The following SORBS2 variants were observed in gnomAD, a reference collection of about 807,000 sequenced individuals.
SORBS2 encodes sorbin and SH3 domain containing 2.
A neutral mutation model predicts 97.7 loss-of-function variants in SORBS2; 46 were observed. The ratio of observed to expected loss-of-function variants is 0.47; its 90% CI spans 0.37 to 0.60. The LOEUF is 0.60. SORBS2 is among the 20% of genes least tolerant of loss of function. SORBS2 has a pLI of 0.00. For missense variants in SORBS2, 1,316 were observed against 1,282.3 expected (o/e 1.03, Z -0.40); for synonymous variants, 476 against 473.4 (o/e 1.01, Z -0.07).
intron 2 of SORBS2, among the ~76,000 whole-genome samples, chr4:185,728,457 C>T (rs2153568142): frequency 6.6e-6 from 1 of 152,254 alleles, no homozygotes; most frequent in South Asian, 2.1e-4. Context: ...ATCTCTTATG[C>T]TCTGGATGAA....
Position 185,914,979 on chromosome 4 carries a change from G to A in SORBS2, c.-338+41217C>T, listed in dbSNP as rs193226909. On this transcript the variant is annotated intron_variant, in intron 1 of 20. Coordinates refer to the SORBS2 transcript ENST00000284776. Reference sequence around the variant, plus strand: ...GATTTTTTCCATCTCCTTCAGTGGTGACGTGTGGCAAATGGATTGTAAATG... The same window carrying A: ...GATTTTTTCCATCTCCTTCAGTGGTAACGTGTGGCAAATGGATTGTAAATG... Among the ~76,000 whole-genome samples, 5 of 152,332 alleles carry A rather than the reference G, an allele frequency of 3.3e-5. No homozygotes were observed. In the East Asian group the frequency reaches 7.7e-4, roughly 24 times the overall value.
intron 1 of SORBS2, among the ~76,000 whole-genome samples, chr4:185,785,050 G>A (rs769800251): frequency 6.6e-6 from 1 of 151,986 alleles, no homozygotes; most frequent in Admixed American, 6.5e-5. Flanking sequence ...TGTTTATTCT[G>A]TTCTCGGTGG....
intron 4 of SORBS2, among the ~76,000 whole-genome samples, chr4:185,642,405 T>A (rs1484801670): frequency 1.4e-5 from 2 of 139,222 alleles, no homozygotes; most frequent in African/African-American, 6.0e-5. Flanking sequence ...GCTTTATTAA[T>A]TTTTTTTTTT....
chr4:185,590,520 TAA>T (rs2095900811), intron 13 of SORBS2, among the ~76,000 whole-genome samples: 1 of 152,170 alleles, frequency 6.6e-6, no homozygotes, highest in Non-Finnish European at 1.5e-5. Flanking sequence ...ACTATGGACA[TAA>T]GTCTCTTTTT....
intron 1 of SORBS2, among the ~76,000 whole-genome samples, chr4:185,879,136 A>AG (rs1490702611): frequency 2.2e-5 from 3 of 136,682 alleles, no homozygotes; most frequent in Admixed American, 7.2e-5. Context: ...CTCGCCATTT[A>AG]CATTAGGTAT....
At chr4:185,778,311 G>A (rs2099010075) in intron 1 of SORBS2, among the ~76,000 whole-genome samples, 2 of 152,180 alleles carry the variant, frequency 1.3e-5, no homozygotes, top group African/African-American at 4.8e-5. Context: ...GTCTGGCGGG[G>A]CCTGAAATTC....
chr4:185,787,403 T>C (rs2099061306), intron 1 of SORBS2, among the ~76,000 whole-genome samples: 1 of 152,094 alleles, frequency 6.6e-6, no homozygotes, highest in Admixed American at 6.5e-5. Context: ...AAAGACAACA[T>C]CTTCTTCACA....
Position 185,654,756 on chromosome 4 carries a change from T to C in SORBS2, c.24+1859A>G, listed in dbSNP as rs1581920922. Among the ~76,000 whole-genome samples, 5 of 152,380 alleles carry C rather than the reference T, an allele frequency of 3.3e-5. No homozygotes were observed. In the South Asian group the frequency reaches 8.3e-4, roughly 25 times the overall value. ...ACTCAAATTTCAGGAAGTTTACTTTTGTACGTAAAATCATTTTGCATGAAA... is the reference window on the plus strand; with the variant it reads ...ACTCAAATTTCAGGAAGTTTACTTTCGTACGTAAAATCATTTTGCATGAAA... On this transcript the variant is annotated intron_variant, in intron 1 of 14. Coordinates refer to ENST00000418609, the Ensembl canonical transcript of SORBS2.
At chr4:185,654,775 C>T (rs1468429576) in intron 1 of SORBS2, among the ~76,000 whole-genome samples, 1 of 150,580 alleles carries the variant, frequency 6.6e-6, no homozygotes, top group Non-Finnish European at 1.5e-5. Context: ...AATCATTTTG[C>T]ATGAAAAATA....
At chr4:185,745,076 T>A (rs2098751593) in intron 2 of SORBS2, among the ~76,000 whole-genome samples, 1 of 152,196 alleles carries the variant, frequency 6.6e-6, no homozygotes, top group Non-Finnish European at 1.5e-5. Flanking sequence ...CTGGCCGCTC[T>A]CCCTGTGTGA....
chr4:185,921,970 A>G (rs1309793824), intron 1 of SORBS2, among the ~76,000 whole-genome samples: 1 of 152,244 alleles, frequency 6.6e-6, no homozygotes, highest in Non-Finnish European at 1.5e-5. Flanking sequence ...TTGTTAAAAC[A>G]CTGGCTCACA....
chr4:185,903,482 G>A (rs2099248866), intron 1 of SORBS2, among the ~76,000 whole-genome samples: 1 of 152,122 alleles, frequency 6.6e-6, no homozygotes, highest in African/African-American at 2.4e-5. Context: ...ACAACATTGT[G>A]GGGAAGGCCA....
chr4:185,689,980 A>G (rs1289609909), intron 2 of SORBS2, among the ~76,000 whole-genome samples: 2 of 152,230 alleles, frequency 1.3e-5, no homozygotes, highest in South Asian at 2.1e-4. Flanking sequence ...GTTCATATGT[A>G]CAAAGCATGT....
chr4:185,652,694 A>G (rs759875959), exon 2 of SORBS2: 6 of 1,614,180 alleles, frequency 3.7e-6, no homozygotes, highest in South Asian at 1.1e-5. Context: ...TTGCTTAAAC[A>G]TCGTCTTGTA....
chr4:185,933,684 T>C (rs2099267531), intron 1 of SORBS2, among the ~76,000 whole-genome samples: 1 of 152,102 alleles, frequency 6.6e-6, no homozygotes, highest in Non-Finnish European at 1.5e-5. Flanking sequence ...CCACTTATAT[T>C]GGATCAAATG....
At chr4:185,693,370 C>T (rs1043939770) in intron 2 of SORBS2, among the ~76,000 whole-genome samples, 4 of 152,028 alleles carry the variant, frequency 2.6e-5, no homozygotes, top group Admixed American at 2.6e-4. Context: ...AGGGCAGCGG[C>T]CAGCACAGGA....
At chr4:185,846,902 A>G (rs937703456) in intron 1 of SORBS2, among the ~76,000 whole-genome samples, 2 of 152,188 alleles carry the variant, frequency 1.3e-5, no homozygotes, top group Admixed American at 1.3e-4. Flanking sequence ...AAATTTAGAG[A>G]AAAATCCCTA....
chr4:185,681,287 C>A (rs1395107094), intron 2 of SORBS2, among the ~76,000 whole-genome samples: 3 of 151,964 alleles, frequency 2.0e-5, no homozygotes, highest in Non-Finnish European at 2.9e-5. Context: ...TTTAGCATAG[C>A]CCTGCTTTTA....
At chr4:185,951,928 CT>C (rs1292710491) in intron 1 of SORBS2, among the ~76,000 whole-genome samples, 1 of 152,090 alleles carries the variant, frequency 6.6e-6, no homozygotes. Context: ...CAACTCTATT[CT>C]TTTTTTGGAA....
Sources: gnomAD v4.1 joint callset for allele counts (sites outside exome capture counted in the v4.1 genomes callset) on GRCh38, gnomAD v4.1.1 for gene constraint, MANE v1.5 for transcripts, NCBI Gene and HGNC (gene_info 2026-07-23, HGNC 2026-07-21) for gene names.